Variants in SLC47A2 observed in about 807,000 individuals in gnomAD.
SLC47A2 encodes solute carrier family 47 member 2, also known as multidrug and toxin extrusion protein 2.
A neutral mutation model predicts 67.7 loss-of-function variants in SLC47A2; 52 were observed. That is an observed-to-expected ratio of 0.77 (90% CI 0.61 to 0.97). The LOEUF is 0.97. SLC47A2 is among the 50% of genes least tolerant of loss of function. The pLI, the probability that SLC47A2 is intolerant of heterozygous loss-of-function variation, is 0.00. For missense variants in SLC47A2, 676 were observed against 712.3 expected, an observed-to-expected ratio of 0.95 and a Z score of 0.58; for synonymous variants, 278 against 292.9, an observed-to-expected ratio of 0.95 and a Z score of 0.52.
intron 13 of SLC47A2, among the ~76,000 whole-genome samples, chr17:19,687,756 C>G (rs778661338): frequency 2.6e-5 from 4 of 152,116 alleles, no homozygotes; most frequent in Non-Finnish European, 4.4e-5. Context: ...TGGATAAATT[C>G]CTAGACACAT....
At chr17:19,684,145 T>C (rs2085370838) in intron 13 of SLC47A2, among the ~76,000 whole-genome samples, 1 of 152,162 alleles carries the variant, frequency 6.6e-6, no homozygotes, top group African/African-American at 2.4e-5. Flanking sequence ...ACTCCTAGGC[T>C]CAAGTAGTGC....
intron 13 of SLC47A2, 138 bp downstream of exon 13, chr17:19,702,467 C>T (rs925049854): frequency 2.7e-6 from 4 of 1,465,424 alleles, no homozygotes; most frequent in African/African-American, 2.8e-5. Flanking sequence ...TCAGCAAATA[C>T]TTTGGGCACT....
chr17:19,679,801 G>A (rs1328044840), intron 16 of SLC47A2, 151 bp downstream of exon 16: 2 of 728,522 alleles, frequency 2.7e-6, no homozygotes, highest in Non-Finnish European at 4.3e-6. Context: ...TGTCTTCCTG[G>A]TGCTTAGGAC....
intron 5 of SLC47A2, among the ~76,000 whole-genome samples, chr17:19,711,411 G>T (rs2086090863): frequency 6.6e-6 from 1 of 150,898 alleles, no homozygotes; most frequent in African/African-American, 2.4e-5. Context: ...GACCAATATG[G>T]TGAAACCCTG....
At chr17:19,710,243 G>A (rs898604888) in intron 5 of SLC47A2, among the ~76,000 whole-genome samples, 1 of 152,186 alleles carries the variant, frequency 6.6e-6, no homozygotes, top group East Asian at 1.9e-4. Context: ...CTGCAGAAGA[G>A]ACATACAGAT....
intron 9 of SLC47A2, among the ~76,000 whole-genome samples, chr17:19,706,342 C>T (rs753992155): frequency 6.6e-6 from 1 of 152,240 alleles, no homozygotes; most frequent in Non-Finnish European, 1.5e-5. Context: ...CCTCAGCCAC[C>T]TCCCACGGGC....
chr17:19,712,420 A>G (rs537971527), intron 5 of SLC47A2, among the ~76,000 whole-genome samples: 28 of 152,240 alleles, frequency 1.8e-4, no homozygotes, highest in African/African-American at 5.8e-4. Flanking sequence ...AGATAGTAAC[A>G]TATGTTCTCT....
intron 5 of SLC47A2, among the ~76,000 whole-genome samples, chr17:19,710,288 A>C (rs16960360): frequency 0.29 from 44,226 of 152,078 alleles, 6,817 homozygotes; most frequent in East Asian, 0.45. Flanking sequence ...ACTGACCTAG[A>C]TAGATGTACT....
At position 19,681,740 on chromosome 17, in the gene SLC47A2, A is replaced by C; in HGVS notation, c.1165-70T>G. The C allele has an allele frequency of 3.9e-6, 6 of 1,555,238 alleles. No individual in the cohort carries two copies. In the South Asian group the frequency reaches 7.4e-5, roughly 19 times the overall value. ...TAAGAGCAGGTGTCATGCAGCAGGC[A>C]CTGTGCTAAGCCATTCGCATGGCAT... On this transcript the variant is annotated intron_variant, in intron 13 of 16. Transcript: ENST00000433844.
At chr17:19,680,096 A>G (rs373411597) in intron 15 of SLC47A2, 57 bp from the exon 16 acceptor site, 1 of 1,531,074 alleles carries the variant, frequency 6.5e-7, no homozygotes, top group African/African-American at 1.4e-5. Context: ...TCACCCCTTC[A>G]CTGCTAGCCT....
intron 13 of SLC47A2, among the ~76,000 whole-genome samples, chr17:19,684,690 T>C (rs975540568): frequency 6.7e-6 from 1 of 148,572 alleles, no homozygotes; most frequent in Admixed American, 6.6e-5. Context: ...GCAAGACTCT[T>C]TCTACAAAAA....
intron 13 of SLC47A2, among the ~76,000 whole-genome samples, chr17:19,684,705 A>G (rs1489870296): frequency 6.6e-6 from 1 of 151,948 alleles, no homozygotes; most frequent in Non-Finnish European, 1.5e-5. Context: ...CAAAAAAAAA[A>G]AAAAAATTAA....
intron 13 of SLC47A2, among the ~76,000 whole-genome samples, chr17:19,698,603 C>T (rs892602590): frequency 6.6e-6 from 1 of 152,114 alleles, no homozygotes; most frequent in Admixed American, 6.5e-5. Flanking sequence ...ACCTCCTTTG[C>T]CTCAGCCTCC....
chr17:19,713,413 A>AATAATAATC (rs1555543133), intron 4 of SLC47A2, among the ~76,000 whole-genome samples: 17 of 147,802 alleles, frequency 1.2e-4, no homozygotes, highest in South Asian at 4.3e-4. Context: ...TAATAATAAT[A>AATAATAATC]ATCATCATCA....
chr17:19,681,859 A>G (rs147681083), intron 13 of SLC47A2, among the ~76,000 whole-genome samples, 189 bp from the exon 14 acceptor site: 261 of 152,292 alleles, frequency 1.7e-3, no homozygotes, highest in Non-Finnish European at 2.9e-3. Flanking sequence ...TCACTTGTCC[A>G]TGTTACACAG....
intron 12 of SLC47A2, 144 bp downstream of exon 12, chr17:19,702,948 G>T: frequency 1.1e-6 from 1 of 932,104 alleles, no homozygotes; most frequent in Non-Finnish European, 1.6e-6. Flanking sequence ...GACAGAAGTT[G>T]GCTTCCTCTC....
chr17:19,714,353 C>A (rs2086191956), intron 3 of SLC47A2: 2 of 409,418 alleles, frequency 4.9e-6, no homozygotes, highest in Non-Finnish European at 8.9e-6. Context: ...CAGGCCCCTG[C>A]AAGCAGGGAG....
At chr17:19,714,649 C>T (rs2086200112) in intron 3 of SLC47A2, 72 bp downstream of exon 3, 2 of 1,577,876 alleles carry the variant, frequency 1.3e-6, no homozygotes, top group Admixed American at 3.3e-5. Flanking sequence ...TCCCACCTGC[C>T]ATCTCCATGG....
At chr17:19,688,217 A>G (rs926591218) in intron 13 of SLC47A2, among the ~76,000 whole-genome samples, 1 of 152,222 alleles carries the variant, frequency 6.6e-6, no homozygotes, top group Non-Finnish European at 1.5e-5. Context: ...TCATATGCAA[A>G]CCAATCAGTA....
Sources: allele counts gnomAD v4.1 joint callset (sites outside exome capture counted in the v4.1 genomes callset), GRCh38; gene constraint gnomAD v4.1.1; transcripts MANE v1.5; gene names NCBI Gene and HGNC (gene_info 2026-07-23, HGNC 2026-07-21).